ATG10: variants seen among roughly 807,000 people sequenced by gnomAD.
The protein encoded by ATG10 is ubiquitin-like-conjugating enzyme ATG10.
Under a neutral mutation model 32.1 loss-of-function variants are expected in ATG10, and 30 were observed. The ratio of observed to expected loss-of-function variants is 0.94; its 90% CI spans 0.70 to 1.27. The LOEUF (loss-of-function observed/expected upper bound fraction) is 1.27. Ranked by LOEUF, ATG10 falls within the 50% of genes most tolerant of loss-of-function variation. The pLI, the probability that ATG10 is intolerant of heterozygous loss-of-function variation, is 0.00. For missense variants in ATG10, 233 were observed against 262.3 expected (o/e 0.89, Z 0.77); for synonymous variants, 87 against 91.5 (o/e 0.95, Z 0.28).
At chr5:81,982,212 C>T (rs1464020767) in intron 1 of ATG10, among the ~76,000 whole-genome samples, 1 of 152,150 alleles carries the variant, frequency 6.6e-6, no homozygotes, top group East Asian at 1.9e-4. Context: ...AATCCTAGTA[C>T]TTTGGGAGGC....
chr5:82,051,028 C>T (rs975264639), intron 2 of ATG10, among the ~76,000 whole-genome samples: 3 of 151,830 alleles, frequency 2.0e-5, no homozygotes, highest in Admixed American at 6.6e-5. Flanking sequence ...AACAATTCTA[C>T]GAACTCTCTT....
At chr5:81,998,827 A>G (rs1761744822) in intron 2 of ATG10, among the ~76,000 whole-genome samples, 1 of 152,258 alleles carries the variant, frequency 6.6e-6, no homozygotes, top group South Asian at 2.1e-4. Flanking sequence ...ACAGTTCAAC[A>G]AGAGGACCTA....
At chr5:82,201,312 T>C (rs1052497346) in intron 5 of ATG10, among the ~76,000 whole-genome samples, 1 of 152,244 alleles carries the variant, frequency 6.6e-6, no homozygotes, top group East Asian at 1.9e-4. Context: ...ATGTCTAGGA[T>C]TTATTTTGAT....
intron 2 of ATG10, among the ~76,000 whole-genome samples, chr5:82,003,136 A>G (rs757731331): frequency 3.3e-5 from 5 of 152,208 alleles, no homozygotes; most frequent in Non-Finnish European, 7.3e-5. Flanking sequence ...CAAAAATGCA[A>G]ATAAGTACTT....
intron 3 of ATG10, among the ~76,000 whole-genome samples, chr5:82,158,846 A>T (rs1225762858): frequency 1.3e-5 from 2 of 152,212 alleles, no homozygotes; most frequent in Admixed American, 6.5e-5. Context: ...CAGTGGTTTC[A>T]GTGTCAGTAG....
intron 5 of ATG10, among the ~76,000 whole-genome samples, chr5:82,191,478 C>T (rs558671952): frequency 1.3e-5 from 2 of 152,314 alleles, no homozygotes; most frequent in East Asian, 3.9e-4. Flanking sequence ...TACTACTTCA[C>T]ACATATTCTT....
Position 82,058,576 on chromosome 5 carries a change from C to T in ATG10, c.190C>T (p.His64Tyr). 3 of 1,611,536 alleles carry T rather than the reference C, an allele frequency of 1.9e-6. No individual in the cohort carries two copies. The highest frequency in any genetic ancestry group is 1.3e-5 in the African/African-American group (1 of 74,928). The change falls in exon 3 of 8, where the codon CAT becomes TAT. Residue 64 changes from histidine to tyrosine, a missense_variant. Transcript: ENST00000282185. The part of the protein sequence containing the change: ...SVMSHLGAST[H>Y]GQTCLPMEEA... ...GATGTCACATCTAGGAGCATCTACC[C>T]ATGGACAGACATGTCTTCCCATGGA...
chr5:82,189,810 A>T lies in ATG10; in HGVS notation c.453+11223A>T, dbSNP rs1218529546. Among the ~76,000 whole-genome samples, 55 of 152,140 alleles carry T rather than the reference A, an allele frequency of 3.6e-4. 1 individual carries two copies. Among genetic ancestry groups the T allele is most frequent in the Admixed American group, 3.5e-3 (54 of 15,262 alleles). Reference sequence around the variant, plus strand: ...CAGCTAATTTTTGTGTTTTTAGTAGAGATGGGGTTTCACCATGTTGGCCAG... The same window carrying T: ...CAGCTAATTTTTGTGTTTTTAGTAGTGATGGGGTTTCACCATGTTGGCCAG... On this transcript the variant is annotated intron_variant, in intron 5 of 7. Transcript: ENST00000282185.
At chr5:82,146,832 T>A (rs1767378250) in intron 3 of ATG10, among the ~76,000 whole-genome samples, 1 of 152,202 alleles carries the variant, frequency 6.6e-6, no homozygotes, top group Non-Finnish European at 1.5e-5. Flanking sequence ...TATTTTTTCC[T>A]CAGTGAGCAT....
chr5:82,184,552 C>T (rs4703537), intron 5 of ATG10, among the ~76,000 whole-genome samples: 80,957 of 151,694 alleles, frequency 0.53, 23,282 homozygotes, highest in East Asian at 0.9. Flanking sequence ...TCTCTGTCAC[C>T]CTCGCTGTCT....
chr5:82,179,046 G>A (rs1317612206), intron 5 of ATG10, among the ~76,000 whole-genome samples: 2 of 151,926 alleles, frequency 1.3e-5, no homozygotes, highest in Non-Finnish European at 2.9e-5. Flanking sequence ...GCCTACAGTT[G>A]GACAAAATCA....
At chr5:82,050,106 ATTG>A (rs1763363640) in intron 2 of ATG10, among the ~76,000 whole-genome samples, 2 of 152,070 alleles carry the variant, frequency 1.3e-5, no homozygotes, top group Admixed American at 1.3e-4. Flanking sequence ...TATAAATGGC[ATTG>A]TTGTTCTATA....
At chr5:82,081,577 A>G (rs1373519853) in intron 3 of ATG10, among the ~76,000 whole-genome samples, 1 of 152,146 alleles carries the variant, frequency 6.6e-6, no homozygotes, top group East Asian at 1.9e-4. Flanking sequence ...AAGGCTGTTG[A>G]ATTTTGTCAA....
At chr5:82,059,696 A>T (rs563091212) in intron 3 of ATG10, among the ~76,000 whole-genome samples, 1 of 152,324 alleles carries the variant, frequency 6.6e-6, no homozygotes, top group South Asian at 2.1e-4. Context: ...TTCTCAGAAC[A>T]TGTTAAATCA....
chr5:82,023,057 T>TCC (rs113341531), intron 2 of ATG10, among the ~76,000 whole-genome samples: 1 of 150,496 alleles, frequency 6.6e-6, no homozygotes, highest in Non-Finnish European at 1.5e-5. Context: ...TTCTCAATGC[T>TCC]CCCCCCCTGC....
In ATG10 at chr5:82,118,370, T is replaced by G. The variant is rs1227580495; in HGVS notation, c.217-46029T>G. Among the ~76,000 whole-genome samples the G allele has an allele frequency of 2.0e-5, 2 of 98,262 alleles. 1 individual carries two copies. Among genetic ancestry groups the G allele is most frequent in the African/African-American group, 8.9e-5 (2 of 22,574 alleles). The allele number at this position is 98,262 out of a possible 152,430, so 64.5% of individuals were successfully genotyped here. ...TAATATATACATATATATACAAATATACATATAATATATGTACATATATAT... is the reference window on the plus strand; with the variant it reads ...TAATATATACATATATATACAAATAGACATATAATATATGTACATATATAT... On this transcript the variant is annotated intron_variant, in intron 3 of 7. Transcript: ENST00000282185.
intron 2 of ATG10, among the ~76,000 whole-genome samples, chr5:82,030,546 G>A (rs1043437213): frequency 6.6e-6 from 1 of 152,102 alleles, no homozygotes; most frequent in African/African-American, 2.4e-5. Context: ...TTACTCCTCA[G>A]TTTTGCTAAC....
At chr5:82,203,052 AC>A (rs1745131399) in intron 5 of ATG10, among the ~76,000 whole-genome samples, 1 of 151,942 alleles carries the variant, frequency 6.6e-6, no homozygotes, top group Non-Finnish European at 1.5e-5. Flanking sequence ...ATGTGGCAAA[AC>A]CCCGTCTCTA....
chr5:82,203,175 C>T lies in ATG10; in HGVS notation c.453+24588C>T, dbSNP rs539836565. Among the ~76,000 whole-genome samples the T allele has an allele frequency of 8.6e-5, 13 of 151,780 alleles. No individual in the cohort carries two copies. The South Asian group carries it at 2.7e-3, about 32-fold the overall frequency. ...CCTGGGTGGCAGAGGTTGCAGTGAG[C>T]CGAGATCGCACCACTGCACTCCAGT... is the stretch of plus-strand genomic sequence containing the variant. On this transcript the variant is annotated intron_variant, in intron 5 of 7. Coordinates refer to ENST00000282185, the MANE Select transcript of ATG10 (RefSeq NM_031482.5).
Sources: allele counts gnomAD v4.1 joint callset (sites outside exome capture counted in the v4.1 genomes callset), GRCh38; gene constraint gnomAD v4.1.1; transcripts MANE v1.5; gene names NCBI Gene and HGNC (gene_info 2026-07-23, HGNC 2026-07-21).